KLB: variants seen among roughly 807,000 people sequenced by gnomAD.
The protein encoded by KLB is klotho beta.
Under a neutral mutation model 88.4 loss-of-function variants are expected in KLB, and 44 were observed. The observed-to-expected ratio is 0.50, with a 90% confidence interval of 0.39 to 0.64. The LOEUF is 0.64. KLB is among the 30% of genes least tolerant of loss of function. The probability of loss-of-function intolerance (pLI) is 0.00; values close to 1 mark genes in which losing one functional copy is unlikely to be tolerated. For synonymous variants in KLB, 548 were observed against 513.4 expected (o/e 1.07, Z -0.91); for missense variants, 1,137 against 1,304.8 (o/e 0.87, Z 1.98).
chr4:39,418,091 A>G (rs530176086), intron 1 of KLB, among the ~76,000 whole-genome samples: 3 of 152,282 alleles, frequency 2.0e-5, no homozygotes, highest in Admixed American at 2.0e-4. Flanking sequence ...CTACATGTTT[A>G]ATTTGTCCAT....
intron 1 of KLB, among the ~76,000 whole-genome samples, chr4:39,433,042 AC>A (rs1743396693): frequency 6.6e-6 from 1 of 152,014 alleles, no homozygotes; most frequent in Non-Finnish European, 1.5e-5. Flanking sequence ...ACCATGCCCA[AC>A]TAAGTTTTGT....
chr4:39,430,011 C>T (rs17431894), intron 1 of KLB, among the ~76,000 whole-genome samples: 15,058 of 152,226 alleles, frequency 0.099, 899 homozygotes, highest in Middle Eastern at 0.14. Context: ...ACCTTGACAA[C>T]ACATCCATAT....
At chr4:39,431,573 C>T (rs905683798) in intron 1 of KLB, among the ~76,000 whole-genome samples, 6 of 152,112 alleles carry the variant, frequency 3.9e-5, no homozygotes, top group African/African-American at 1.2e-4. Context: ...TCTTAAGGAT[C>T]CTTGGGAATA....
rs1560654007 is a variant in KLB at position 39,446,473 on chromosome 4, A to G, written c.1747A>G (p.Lys583Glu). The G allele has an allele frequency of 3.7e-6, 6 of 1,614,234 alleles. No homozygotes were observed. Among genetic ancestry groups the G allele is most frequent in the Non-Finnish European group, 5.1e-6 (6 of 1,180,026 alleles). Residue 583 changes from lysine (K) to glutamate (E), a missense_variant, in exon 4 of 5, where the codon AAA (lysine) becomes GAA (glutamate). Lys to Glu is a moderately conservative substitution (Grantham distance 56). Coordinates refer to ENST00000257408, the MANE Select transcript of KLB (RefSeq NM_175737.4). This position sits in a 1 kb window ranked among gnomAD's most constrained non-coding sequence, Gnocchi z 6.4. ...PAQCTDFVNI[K>E]KQLEMLARMK... Reference sequence around the variant, plus strand: ...TCAATGCACAGATTTTGTAAACATCAAAAAACAACTTGAGATGTTGGCAAG... The same window carrying G: ...TCAATGCACAGATTTTGTAAACATCGAAAAACAACTTGAGATGTTGGCAAG...
rs1359497719 is a variant in KLB at position 39,451,397 on chromosome 4, G to GT, written c.*2712dup. 2.0e-5 allele frequency: 3 copies of GT among 152,220 alleles called. No homozygotes were observed. Among genetic ancestry groups the GT allele is most frequent in the Non-Finnish European group, 4.4e-5 (3 of 68,028 alleles). 9.4% of individuals were successfully genotyped at this position (152,220 alleles called of 1,614,324 possible). On this transcript the variant is annotated 3_prime_UTR_variant, in exon 5 of 5. Coordinates refer to ENST00000257408, the MANE Select transcript of KLB (RefSeq NM_175737.4). ...CTAACGTGTTTATCGTATATTCAAT[G>GT]TAACAACCTGGAGAATCACAACTAT...
At chr4:39,411,624 A>G (rs1460965087) in intron 1 of KLB, among the ~76,000 whole-genome samples, 1 of 150,580 alleles carries the variant, frequency 6.6e-6, no homozygotes, top group African/African-American at 2.4e-5. Context: ...GATTCAAGCG[A>G]TTCTCCCGCC....
intron 3 of KLB, among the ~76,000 whole-genome samples, chr4:39,438,196 A>T (rs576107927): frequency 1.3e-5 from 2 of 152,264 alleles, no homozygotes; most frequent in Non-Finnish European, 2.9e-5. Flanking sequence ...CAGAACTCAT[A>T]ATTGGTGATG....
intron 2 of KLB, among the ~76,000 whole-genome samples, chr4:39,436,210 G>T (rs1288596166): frequency 2.0e-5 from 3 of 152,158 alleles, no homozygotes; most frequent in Non-Finnish European, 2.9e-5. Context: ...AAATTCTGTT[G>T]CTCTCTTTAG....
chr4:39,414,671 C>A (rs1316024692), intron 1 of KLB, among the ~76,000 whole-genome samples: 1 of 151,700 alleles, frequency 6.6e-6, no homozygotes, highest in Non-Finnish European at 1.5e-5. Context: ...GAGTTCGAGA[C>A]CAGCCTGGCC....
chr4:39,433,417 C>T (rs757493185), intron 1 of KLB, among the ~76,000 whole-genome samples: 25 of 152,172 alleles, frequency 1.6e-4, no homozygotes, highest in Admixed American at 3.3e-4. Flanking sequence ...AGGCATGATT[C>T]TAAAGCAATT....
At chr4:39,421,337 G>A (rs1432067231) in intron 1 of KLB, among the ~76,000 whole-genome samples, 3 of 152,122 alleles carry the variant, frequency 2.0e-5, no homozygotes, top group East Asian at 1.9e-4. Context: ...TGTTTTTGTT[G>A]ATGTATATAA....
intron 1 of KLB, among the ~76,000 whole-genome samples, chr4:39,417,688 A>T (rs1047911097): frequency 6.6e-6 from 1 of 152,244 alleles, no homozygotes; most frequent in Admixed American, 6.5e-5. Flanking sequence ...TAACTTTTTG[A>T]CATTCTATCA....
In KLB at chr4:39,447,247, T is replaced by C. The variant is rs781107638; in HGVS notation, c.2521T>C (p.Tyr841His). The C allele has an allele frequency of 6.2e-7, 1 of 1,614,124 alleles. No homozygotes were observed. Among genetic ancestry groups the C allele is most frequent in the Non-Finnish European group, 8.5e-7 (1 of 1,180,044 alleles). Reference sequence around the variant, plus strand: ...GCACGAGCAGCTGGCCGGCAGCCGCTACGACTCGGACAGGGACATCCAGTT... The same window carrying C: ...GCACGAGCAGCTGGCCGGCAGCCGCCACGACTCGGACAGGGACATCCAGTT... Reference protein sequence around the residue: ...VMHEQLAGSRYDSDRDIQFLQ... With the variant: ...VMHEQLAGSRHDSDRDIQFLQ... The change falls in exon 4 of 5, where the codon TAC becomes CAC. Residue 841 changes from tyrosine to histidine, a missense_variant. Tyr to His is a moderately conservative substitution (Grantham distance 83). This residue lies in a region of KLB where 426 missense variants were observed against 404.6 expected (regional missense o/e 1.05). Coordinates refer to ENST00000257408, the MANE Select transcript of KLB (RefSeq NM_175737.4).
rs1461813968 is a variant in KLB at position 39,450,373 on chromosome 4, G to C, written c.*1687G>C. 6.6e-6 allele frequency: 1 copy of C among 152,184 alleles called. No individual in the cohort carries two copies. Among genetic ancestry groups the C allele is most frequent in the Non-Finnish European group, 1.5e-5 (1 of 68,032 alleles). 9.4% of individuals were successfully genotyped at this position (152,184 alleles called of 1,614,324 possible). A position where few individuals can be genotyped will look rare whatever the true frequency, so the allele number is the denominator to read the frequency against. On this transcript the variant is annotated 3_prime_UTR_variant, in exon 5 of 5. Transcript: ENST00000257408. The stretch of plus-strand genomic sequence containing the variant: ...AGCCTTAGTAAATTAAGGCAGTTTT[G>C]ATTATATTCTAGGTCCACCTATGTC...
At chr4:39,423,060 C>T (rs1420367970) in intron 1 of KLB, among the ~76,000 whole-genome samples, 1 of 151,778 alleles carries the variant, frequency 6.6e-6, no homozygotes, top group Non-Finnish European at 1.5e-5. Context: ...AGCCACCGCT[C>T]CCGGCCTCAG....
At chr4:39,414,945 G>A (rs1200701661) in intron 1 of KLB, among the ~76,000 whole-genome samples, 2 of 150,234 alleles carry the variant, frequency 1.3e-5, no homozygotes, top group East Asian at 3.9e-4. Context: ...ATCCATTTTT[G>A]ATGCTATAAC....
In KLB at chr4:39,437,884, C is replaced by G. The variant is rs1743514510; in HGVS notation, c.1494C>G (p.Tyr498Ter). Reference sequence around the variant, plus strand: ...GGAAACCTAAGTCTTCAGCACACTACTACAAACAGATCATACGAGAAAATG... The same window carrying G: ...GGAAACCTAAGTCTTCAGCACACTAGTACAAACAGATCATACGAGAAAATG... ...KERKPKSSAH[Y>*]YKQIIRENGF... is the part of the protein sequence containing the mutation. Residue 498 changes from tyrosine to a stop codon, truncating the protein, a stop_gained, in exon 3 of 5, where the codon TAC (tyrosine) becomes TAG (stop). Coordinates refer to ENST00000257408, the MANE Select transcript of KLB (RefSeq NM_175737.4). LOFTEE classifies it high-confidence loss of function. The G allele has an allele frequency of 6.2e-7, 1 of 1,614,092 alleles. No homozygotes were observed. Among genetic ancestry groups the G allele is most frequent in the African/African-American group, 1.3e-5 (1 of 74,938 alleles).
At chr4:39,432,769 A>G in intron 1 of KLB, among the ~76,000 whole-genome samples, 1 of 152,180 alleles carries the variant, frequency 6.6e-6, no homozygotes, top group East Asian at 1.9e-4. Flanking sequence ...AAACTCCAGG[A>G]GGACCAATAA....
chr4:39,437,645 C>A, intron 2 of KLB, 82 bp from the exon 3 acceptor site: 1 of 1,460,374 alleles, frequency 6.8e-7, no homozygotes, highest in Non-Finnish European at 9.3e-7. Flanking sequence ...AATATGCTGT[C>A]CTCTGGCATG....
Sources: gnomAD v4.1 joint callset for allele counts (sites outside exome capture counted in the v4.1 genomes callset) on GRCh38, gnomAD v4.1.1 for gene constraint, gnomAD v4.1.1 regional missense constraint, Gnocchi (gnomAD v3.1) non-coding constraint, MANE v1.5 for transcripts, NCBI Gene and HGNC (gene_info 2026-07-23, HGNC 2026-07-21) for gene names.